KRAS: variants seen among roughly 807,000 people sequenced by gnomAD.
KRAS encodes GTPase KRas.
Under a neutral mutation model 21.0 loss-of-function variants are expected in KRAS, and 1 was observed. That is an observed-to-expected ratio of 0.05 (90% CI 0.02 to 0.23). KRAS has a LOEUF of 0.23. KRAS is among the 10% of genes least tolerant of loss of function. The pLI is 1.00. For synonymous variants in KRAS, 67 were observed against 72.5 expected (o/e 0.92, Z 0.39); for missense variants, 107 against 221.8 (o/e 0.48, Z 3.29).
intron 1 of KRAS, among the ~76,000 whole-genome samples, chr12:25,246,683 G>A (rs537226259): frequency 3.0e-4 from 45 of 152,246 alleles, no homozygotes; most frequent in Admixed American, 7.8e-4. Flanking sequence ...TTGGGAGGCC[G>A]AGGAGGGTGG....
chr12:25,225,286 T>TTATTTTTATATATATATATATATATA, intron 4 of KRAS: 1 of 10,622 alleles, frequency 9.4e-5, no homozygotes, highest in East Asian at 8.3e-3. Context: ...GCCCTGTTCT[T>TTATTTTTATATATATATATATATATA]TATATATATA....
rs188922523 is a variant in KRAS at position 25,206,244 on chromosome 12, G to C, written c.*3551C>G. 2.4e-4 allele frequency: 52 copies of C among 212,336 alleles called. No homozygotes were observed. In the East Asian group the frequency reaches 3.4e-3, roughly 14 times the overall value. The allele number at this position is 212,336 out of a possible 1,614,324, so 13.2% of individuals were successfully genotyped here. A position where few individuals can be genotyped will look rare whatever the true frequency, so the allele number is the denominator to read the frequency against. On this transcript the variant is annotated 3_prime_UTR_variant, in exon 5 of 5. Coordinates refer to ENST00000311936, the MANE Select transcript of KRAS (RefSeq NM_004985.5). ...ACAACAGTTTTGATAACCTATAAAA[G>C]TTAGGTTCTAAATTCCTATGCAGTG...
chr12:25,217,921 GTTTATA>G (rs995077223), intron 4 of KRAS, among the ~76,000 whole-genome samples: 1 of 151,950 alleles, frequency 6.6e-6, no homozygotes, highest in African/African-American at 2.4e-5. Context: ...TCGTTTTAAA[GTTTATA>G]TTTATCATTA....
At chr12:25,213,181 A>T (rs1047488065) in intron 4 of KRAS, among the ~76,000 whole-genome samples, 1 of 152,210 alleles carries the variant, frequency 6.6e-6, no homozygotes, top group Non-Finnish European at 1.5e-5. Flanking sequence ...GTCACATCAA[A>T]CAATTGTGAC....
chr12:25,242,445 T>C (rs1246088001), intron 2 of KRAS, among the ~76,000 whole-genome samples: 1 of 152,172 alleles, frequency 6.6e-6, no homozygotes, highest in Non-Finnish European at 1.5e-5. Flanking sequence ...TATAAAGGTA[T>C]ATATTTCTAG....
intron 3 of KRAS, among the ~76,000 whole-genome samples, chr12:25,226,843 G>A (rs1236874530): frequency 2.6e-5 from 4 of 152,244 alleles, no homozygotes; most frequent in South Asian, 4.1e-4. Flanking sequence ...GCAATTCTAT[G>A]CTATACACAC....
chr12:25,215,145 AAAAAT>A (rs1951240046), intron 4 of KRAS: 1 of 483,508 alleles, frequency 2.1e-6, no homozygotes, highest in African/African-American at 2.1e-5. Context: ...CTTTTCCCTT[AAAAAT>A]AAAGGTAAAT....
intron 2 of KRAS, among the ~76,000 whole-genome samples, chr12:25,229,281 A>T (rs1412267084): frequency 6.6e-6 from 1 of 152,226 alleles, no homozygotes. Context: ...AAGAAAAATC[A>T]ATCAACTTAT....
At chr12:25,217,848 T>C (rs1951272759) in intron 4 of KRAS, among the ~76,000 whole-genome samples, 1 of 152,184 alleles carries the variant, frequency 6.6e-6, no homozygotes, top group South Asian at 2.1e-4. Flanking sequence ...GAGCTATGAC[T>C]GCACCACTGC....
In KRAS at chr12:25,209,613, C is replaced by T. The variant is rs1951181596; in HGVS notation, c.*182G>A. On this transcript the variant is annotated 3_prime_UTR_variant, in exon 5 of 5. Coordinates refer to ENST00000311936, the MANE Select transcript of KRAS (RefSeq NM_004985.5). Reference sequence around the variant, plus strand: ...AAAACCAAAACTCTGGGAATACTGGCACTTAGAGGAAAAAAAAACTTCCAC... The same window carrying T: ...AAAACCAAAACTCTGGGAATACTGGTACTTAGAGGAAAAAAAAACTTCCAC... 15 of 1,353,788 alleles carry T rather than the reference C, an allele frequency of 1.1e-5. No individual in the cohort carries two copies. The South Asian group carries it at 2.3e-4, about 21-fold the overall frequency. 83.9% of individuals were successfully genotyped at this position (1,353,788 alleles called of 1,614,324 possible). A position where few individuals can be genotyped will look rare whatever the true frequency, so the allele number is the denominator to read the frequency against.
In KRAS at chr12:25,215,824, C is replaced by G. The variant is rs1012308848; in HGVS notation, c.451-5913G>C. ...GGAATTAGGAGAGATTATGACAAGC[C>G]TAAACACAGGTATTAGCATCTGTTT... On this transcript the variant is annotated intron_variant, in intron 4 of 4. Coordinates refer to ENST00000311936, the MANE Select transcript of KRAS (RefSeq NM_004985.5). Among the ~76,000 whole-genome samples the G allele has an allele frequency of 4.6e-5, 7 of 152,186 alleles. No individual in the cohort carries two copies. In the East Asian group the frequency reaches 1.3e-3, roughly 29 times the overall value.
Position 25,245,412 on chromosome 12 carries a change from T to C in KRAS, c.-11-17A>G, listed in dbSNP as rs2135806451. ...TCAGCAGGCCTTATAATAAAAATAA[T>C]GAAAATGTGACTATATTAGAACATG... On this transcript the variant is annotated splice_polypyrimidine_tract_variant and intron_variant, in intron 1 of 4. Coordinates refer to ENST00000311936, the MANE Select transcript of KRAS (RefSeq NM_004985.5). The C allele has an allele frequency of 1.9e-6, 3 of 1,581,928 alleles. No individual in the cohort carries two copies. The highest frequency in any genetic ancestry group is 2.6e-6 in the Non-Finnish European group (3 of 1,160,724).
intron 4 of KRAS, among the ~76,000 whole-genome samples, chr12:25,217,925 A>G (rs1951273581): frequency 1.3e-5 from 2 of 152,138 alleles, no homozygotes; most frequent in African/African-American, 4.8e-5. Flanking sequence ...TTTAAAGTTT[A>G]TATTTATCAT....
At position 25,209,060 on chromosome 12, in the gene KRAS, C is replaced by A. The variant is rs1315846020; in HGVS notation, c.*735G>T. 3 of 410,262 alleles carry A rather than the reference C, an allele frequency of 7.3e-6. No homozygotes were observed. Among genetic ancestry groups the A allele is most frequent in the African/African-American group, 6.1e-5 (3 of 48,906 alleles). The allele number at this position is 410,262 out of a possible 1,614,324, so 25.4% of individuals were successfully genotyped here. A position where few individuals can be genotyped will look rare whatever the true frequency, so the allele number is the denominator to read the frequency against. On this transcript the variant is annotated 3_prime_UTR_variant, in exon 5 of 5. Transcript: ENST00000311936. Reference sequence around the variant, plus strand: ...CCAAAATGGTTGCTATAATAATCCCCATTTCATACTGGGTCTGCCTTAACA... The same window carrying A: ...CCAAAATGGTTGCTATAATAATCCCAATTTCATACTGGGTCTGCCTTAACA...
intron 4 of KRAS, among the ~76,000 whole-genome samples, chr12:25,221,435 C>G (rs571624203): frequency 6.6e-6 from 1 of 152,008 alleles, no homozygotes; most frequent in African/African-American, 2.4e-5. Flanking sequence ...GTTTCAACCA[C>G]GTTGGCCAGG....
At chr12:25,238,988 A>G (rs1592818242) in intron 2 of KRAS, among the ~76,000 whole-genome samples, 1 of 152,216 alleles carries the variant, frequency 6.6e-6, no homozygotes, top group South Asian at 2.1e-4. Context: ...TGACCTCCAT[A>G]AAGTCTGAGG....
chr12:25,238,939 A>G (rs1453204550), intron 2 of KRAS, among the ~76,000 whole-genome samples: 2 of 152,226 alleles, frequency 1.3e-5, no homozygotes, highest in African/African-American at 2.4e-5. Context: ...TACCTGGTCA[A>G]AGGACATGTA....
intron 1 of KRAS, among the ~76,000 whole-genome samples, chr12:25,250,297 G>C (rs1951747698): frequency 6.6e-6 from 1 of 152,038 alleles, no homozygotes; most frequent in Non-Finnish European, 1.5e-5. Flanking sequence ...AGGCTGGACC[G>C]AGGCAGCCGA....
At chr12:25,221,241 T>G (rs1240267964) in intron 4 of KRAS, among the ~76,000 whole-genome samples, 1 of 151,514 alleles carries the variant, frequency 6.6e-6, no homozygotes, top group African/African-American at 2.4e-5. Context: ...AGCCTTTTTT[T>G]TTTTTTTTTG....
Sources: allele counts gnomAD v4.1 joint callset (sites outside exome capture counted in the v4.1 genomes callset), GRCh38; gene constraint gnomAD v4.1.1; transcripts MANE v1.5; gene names NCBI Gene and HGNC (gene_info 2026-07-23, HGNC 2026-07-21).